Variants in STX8 observed in about 807,000 individuals in gnomAD.
STX8 encodes the protein syntaxin 8.
In STX8, 23 loss-of-function variants were observed where a neutral mutation model predicts 37.5. The observed-to-expected ratio is 0.61, with a 90% confidence interval of 0.44 to 0.87. STX8 has a LOEUF of 0.87. Among genes scored for constraint, STX8 ranks in the 40% least tolerant of loss-of-function variants. The pLI is 0.00. For synonymous variants in STX8, 115 were observed against 99.1 expected (o/e 1.16, Z -0.95); for missense variants, 313 against 284.7 (o/e 1.10, Z -0.71).
intron 6 of STX8, among the ~76,000 whole-genome samples, chr17:9,425,379 A>G (rs1913590596): frequency 6.6e-6 from 1 of 152,176 alleles, no homozygotes; most frequent in Non-Finnish European, 1.5e-5. Flanking sequence ...ATACATGATG[A>G]TTTATTTGTA....
intron 6 of STX8, among the ~76,000 whole-genome samples, chr17:9,417,698 C>A (rs896255761): frequency 1.3e-5 from 2 of 152,098 alleles, no homozygotes; most frequent in Admixed American, 6.5e-5. Context: ...AACTCTTAGC[C>A]CCCAAACCCA....
At chr17:9,388,541 C>T (rs1053159450) in intron 6 of STX8, among the ~76,000 whole-genome samples, 14 of 151,648 alleles carry the variant, frequency 9.2e-5, no homozygotes, top group African/African-American at 1.2e-4. Context: ...TGGTGGCTCA[C>T]GCCTGTAATC....
intron 7 of STX8, among the ~76,000 whole-genome samples, chr17:9,355,605 C>T (rs756731498): frequency 4.0e-5 from 6 of 151,292 alleles, no homozygotes; most frequent in African/African-American, 7.3e-5. Flanking sequence ...CGAGTTCAAG[C>T]GATTCTCCTG....
At chr17:9,297,256 AAG>A (rs1555591324) in intron 7 of STX8, among the ~76,000 whole-genome samples, 4 of 151,332 alleles carry the variant, frequency 2.6e-5, no homozygotes, top group East Asian at 1.9e-4. Flanking sequence ...AAAAAAAAAA[AAG>A]AAAAAAAAAG....
At chr17:9,282,725 C>G (rs573416964) in intron 7 of STX8, among the ~76,000 whole-genome samples, 1 of 152,158 alleles carries the variant, frequency 6.6e-6, no homozygotes, top group African/African-American at 2.4e-5. Flanking sequence ...TTCTTCCCTA[C>G]GAGACACTCC....
intron 7 of STX8, among the ~76,000 whole-genome samples, chr17:9,267,130 A>G (rs563163390): frequency 6.6e-6 from 1 of 152,310 alleles, no homozygotes; most frequent in East Asian, 1.9e-4. Flanking sequence ...TGGAAGCTGT[A>G]TGGCATAAGA....
chr17:9,508,015 T>C (rs895969851), intron 4 of STX8, among the ~76,000 whole-genome samples: 2 of 151,908 alleles, frequency 1.3e-5, no homozygotes, highest in Admixed American at 6.6e-5. Context: ...ACATCGAACA[T>C]GAAAAAGCAA....
intron 5 of STX8, among the ~76,000 whole-genome samples, chr17:9,500,016 T>C (rs1904554473): frequency 6.6e-6 from 1 of 152,216 alleles, no homozygotes; most frequent in South Asian, 2.1e-4. Flanking sequence ...AGGTGCTCCA[T>C]TCAGGAAATG....
chr17:9,430,448 T>C (rs1462448678), intron 6 of STX8, among the ~76,000 whole-genome samples: 3 of 151,542 alleles, frequency 2.0e-5, no homozygotes, highest in African/African-American at 7.3e-5. Flanking sequence ...CTATCCTAGA[T>C]ATTCCATATA....
chr17:9,323,304 G>C (rs552608337), intron 7 of STX8, among the ~76,000 whole-genome samples: 1 of 151,756 alleles, frequency 6.6e-6, no homozygotes, highest in East Asian at 1.9e-4. Flanking sequence ...GAAAACCTTA[G>C]GGGGAAAAAA....
chr17:9,437,501 A>C (rs943806010), intron 6 of STX8, among the ~76,000 whole-genome samples: 2 of 152,232 alleles, frequency 1.3e-5, no homozygotes, highest in African/African-American at 2.4e-5. Context: ...TGAGTGAAAA[A>C]ATGAAATTGC....
chr17:9,298,192 T>G (rs1908636138), intron 7 of STX8, among the ~76,000 whole-genome samples: 1 of 152,128 alleles, frequency 6.6e-6, no homozygotes, highest in African/African-American at 2.4e-5. Context: ...ATGGATGAAC[T>G]GATGGGAGTC....
At chr17:9,443,160 C>G (rs1904724440) in intron 6 of STX8, among the ~76,000 whole-genome samples, 1 of 152,130 alleles carries the variant, frequency 6.6e-6, no homozygotes, top group African/African-American at 2.4e-5. Context: ...TGCAGGTTAC[C>G]TTCAAACACA....
chr17:9,413,558 G>A (rs1364035687), intron 6 of STX8, among the ~76,000 whole-genome samples: 2 of 152,144 alleles, frequency 1.3e-5, no homozygotes, highest in Admixed American at 6.5e-5. Context: ...GGTTTTCAAT[G>A]GTAGCCTTTA....
chr17:9,291,714 A>C (rs1476858075), intron 7 of STX8, among the ~76,000 whole-genome samples: 5 of 152,244 alleles, frequency 3.3e-5, no homozygotes, highest in African/African-American at 1.2e-4. Flanking sequence ...TGGAATACAT[A>C]GGTCACAAAT....
chr17:9,409,136 CTCAAA>C (rs1912899712), intron 6 of STX8, among the ~76,000 whole-genome samples: 1 of 152,160 alleles, frequency 6.6e-6, no homozygotes, highest in South Asian at 2.1e-4. Flanking sequence ...GGCTCCACAC[CTCAAA>C]TCTAACAAAT....
intron 7 of STX8, among the ~76,000 whole-genome samples, chr17:9,317,625 G>A (rs937800937): frequency 6.6e-6 from 1 of 152,084 alleles, no homozygotes; most frequent in African/African-American, 2.4e-5. Flanking sequence ...AATTAGCTGG[G>A]CATGGTGGCA....
chr17:9,408,377 T>C (rs183875731), intron 6 of STX8, among the ~76,000 whole-genome samples: 7 of 152,302 alleles, frequency 4.6e-5, no homozygotes, highest in Admixed American at 1.3e-4. Context: ...AGGAAAGGGA[T>C]AGCCAGTGAG....
intron 6 of STX8, among the ~76,000 whole-genome samples, chr17:9,475,949 G>T (rs1906085631): frequency 6.6e-6 from 1 of 152,344 alleles, no homozygotes; most frequent in South Asian, 2.1e-4. Context: ...GGGAGGTCAA[G>T]GTCGGCGGAT....
Sources: gnomAD v4.1 joint callset for allele counts (sites outside exome capture counted in the v4.1 genomes callset) on GRCh38, gnomAD v4.1.1 for gene constraint, MANE v1.5 for transcripts, NCBI Gene and HGNC (gene_info 2026-07-23, HGNC 2026-07-21) for gene names.